Variants in MON2 observed in about 807,000 individuals in gnomAD.
MON2 encodes the protein protein MON2 homolog.
Under a neutral mutation model 208.6 loss-of-function variants are expected in MON2, and 84 were observed. The ratio of observed to expected loss-of-function variants is 0.40; its 90% CI spans 0.34 to 0.48. The LOEUF (loss-of-function observed/expected upper bound fraction) is 0.48. Among genes scored for constraint, MON2 ranks in the 20% least tolerant of loss-of-function variants. The probability of loss-of-function intolerance (pLI) is 0.59; values close to 1 mark genes in which losing one functional copy is unlikely to be tolerated. For synonymous variants in MON2, 660 were observed against 694.0 expected (o/e 0.95, Z 0.77); for missense variants, 1,611 against 2,015.4 (o/e 0.80, Z 3.84).
intron 29 of MON2, 27 bp downstream of exon 29, chr12:62,566,477 C>A: frequency 7.5e-6 from 12 of 1,592,728 alleles, no homozygotes; most frequent in Non-Finnish European, 1.0e-5. Context: ...TCTACACTTT[C>A]ATTAGATGGT....
In MON2 at chr12:62,538,318, A is replaced by G; in HGVS notation, c.2266A>G (p.Ser756Gly). 1.2e-6 allele frequency: 2 copies of G among 1,612,486 alleles called. No homozygotes were observed. Among genetic ancestry groups the G allele is most frequent in the South Asian group, 2.2e-5 (2 of 91,014 alleles). The change falls in exon 18 of 35, where the codon AGC (serine) becomes GGC (glycine). Residue 756 changes from serine (S) to glycine (G), a missense_variant. Physicochemically the swap from Ser to Gly is moderately conservative, Grantham distance 56. Transcript: ENST00000393630. ...ISNILSRLFE[S>G]SQYLDDVSLH... Reference sequence around the variant, plus strand: ...CAATATACTTTCAAGATTGTTTGAAAGCTCACAGTAAGAGTCAGTTTTTTT... The same window carrying G: ...CAATATACTTTCAAGATTGTTTGAAGGCTCACAGTAAGAGTCAGTTTTTTT...
In MON2 at chr12:62,525,167, A is replaced by C; in HGVS notation, c.1193A>C (p.Gln398Pro). 1 of 1,613,116 alleles carries C rather than the reference A, an allele frequency of 6.2e-7. No individual in the cohort carries two copies. Residue 398 changes from glutamine to proline, a missense_variant, in exon 10 of 35, where the codon CAG (glutamine) becomes CCG (proline). Gln to Pro is a moderately conservative substitution (Grantham distance 76). Transcript: ENST00000393630. ...GTAAATGCACTGGGATCTTTTATACAGTCCTTGTTTCTTGTCCCCCCTACT... is the reference window on the plus strand; with the variant it reads ...GTAAATGCACTGGGATCTTTTATACCGTCCTTGTTTCTTGTCCCCCCTACT... ...DIVNALGSFI[Q>P]SLFLVPPTGN...
In MON2 at chr12:62,587,771, A is replaced by C. The variant is rs1350095729; in HGVS notation, c.4908-303A>C. 1.4e-5 allele frequency: 3 copies of C among 219,260 alleles called. No individual in the cohort carries two copies. In the Admixed American group the frequency reaches 1.8e-4, roughly 13 times the overall value. The allele number at this position is 219,260 out of a possible 1,614,324, so 13.6% of individuals were successfully genotyped here. ...CAATAAATAAAAATAAAACGTTTTA[A>C]TTTTAAGTAGTTATGTGAAATATCT... On this transcript the variant is annotated intron_variant, in intron 33 of 34. Coordinates refer to ENST00000393630, the MANE Select transcript of MON2 (RefSeq NM_015026.3).
intron 8 of MON2, among the ~76,000 whole-genome samples, chr12:62,518,889 T>A (rs2071847820): frequency 6.6e-6 from 1 of 152,114 alleles, no homozygotes; most frequent in Non-Finnish European, 1.5e-5. Context: ...TTAGAAAAAA[T>A]TAGGCATTCT....
At chr12:62,507,759 C>CTGATTA (rs746739469) in intron 7 of MON2, among the ~76,000 whole-genome samples, 39 of 152,116 alleles carry the variant, frequency 2.6e-4, no homozygotes, top group Admixed American at 1.0e-3. Context: ...TCTTGTAATA[C>CTGATTA]TGATTATGAT....
At chr12:62,558,353 A>G (rs2074074687) in intron 25 of MON2, among the ~76,000 whole-genome samples, 1 of 152,116 alleles carries the variant, frequency 6.6e-6, no homozygotes, top group African/African-American at 2.4e-5. Context: ...TTAAGAAATG[A>G]TATTTGTTAT....
chr12:62,494,003 T>A lies in MON2; in HGVS notation c.264T>A (p.Ala88=). Residue 88 remains alanine, a synonymous_variant, in exon 3 of 35, where the codon GCT becomes GCA. Transcript: ENST00000393630. The part of the protein sequence containing the change: ...KEPKITQLCL[A]AIQRLMSHEV... ...CGAAGATCACTCAGCTATGTTTGGC[T>A]GCTATTCAGAGACTCATGTCACATG... 4 of 1,613,312 alleles carry A rather than the reference T, an allele frequency of 2.5e-6. No individual in the cohort carries two copies. Among genetic ancestry groups the A allele is most frequent in the Non-Finnish European group, 2.5e-6 (3 of 1,179,454 alleles).
intron 30 of MON2, among the ~76,000 whole-genome samples, chr12:62,577,216 T>C (rs2074825045): frequency 6.6e-6 from 1 of 152,074 alleles, no homozygotes; most frequent in Non-Finnish European, 1.5e-5. Context: ...TCTGATTGGT[T>C]CAGGTTTGGG....
rs563289082 is a variant in MON2, at chr12:62,578,107, G to C, written c.4515-338G>C. ...ATAACCACCAATATAAGTGAATTCA[G>C]GTAACACCACAATGGTAACTTTTGC... On this transcript the variant is annotated intron_variant, in intron 30 of 34. Coordinates refer to ENST00000393630, the MANE Select transcript of MON2 (RefSeq NM_015026.3). Among the ~76,000 whole-genome samples, 56 of 152,222 alleles carry C rather than the reference G, an allele frequency of 3.7e-4. 1 individual carries two copies. In the South Asian group the frequency reaches 0.011, roughly 30 times the overall value.
chr12:62,535,746 G>A, intron 14 of MON2, 37 bp downstream of exon 14: 2 of 1,512,102 alleles, frequency 1.3e-6, no homozygotes, highest in Non-Finnish European at 1.8e-6. Context: ...TCTATGTAGT[G>A]GGATGATATG....
intron 23 of MON2, among the ~76,000 whole-genome samples, chr12:62,551,065 G>T (rs1026302995): frequency 1.3e-5 from 2 of 151,556 alleles, no homozygotes; most frequent in Non-Finnish European, 2.9e-5. Flanking sequence ...AATTATAGGC[G>T]CCCGCCATGA....
chr12:62,474,025 C>G (rs1459404966), intron 1 of MON2, among the ~76,000 whole-genome samples: 1 of 152,104 alleles, frequency 6.6e-6, no homozygotes, highest in Non-Finnish European at 1.5e-5. Flanking sequence ...GCTCTCTTTA[C>G]TGAGTGTAGA....
chr12:62,554,596 G>GCGAT (rs1310749742), intron 24 of MON2, among the ~76,000 whole-genome samples: 8 of 152,178 alleles, frequency 5.3e-5, no homozygotes, highest in African/African-American at 1.9e-4. Flanking sequence ...CCAGGCTCAA[G>GCGAT]CGATCCTCCC....
At chr12:62,550,171 C>G (rs1289797958) in intron 23 of MON2, among the ~76,000 whole-genome samples, 2 of 152,156 alleles carry the variant, frequency 1.3e-5, no homozygotes, top group African/African-American at 4.8e-5. Flanking sequence ...TACTTTGAAG[C>G]CTTGAAGCCA....
rs146625340 is a variant in MON2, at chr12:62,566,031, G to C, written c.4194G>C (p.Pro1398=). The part of the protein sequence containing the change: ...AKYNQIQLFA[P]AEWVALNYVP... ...CACAATAGATCCAACTATTTGCACCGGTGAGTTAAATTTCCTAAAATTGTC... is the reference window on the plus strand; with the variant it reads ...CACAATAGATCCAACTATTTGCACCCGTGAGTTAAATTTCCTAAAATTGTC... Residue 1398 remains proline, a splice_region_variant and synonymous_variant, in exon 28 of 35, where the codon CCG becomes CCC. Transcript: ENST00000393630. 1.2e-5 allele frequency: 19 copies of C among 1,610,284 alleles called. No homozygotes were observed. Among genetic ancestry groups the C allele is most frequent in the Non-Finnish European group, 1.6e-5 (19 of 1,178,054 alleles).
Position 62,508,045 on chromosome 12 carries a change from A to G in MON2, c.790-241A>G, listed in dbSNP as rs2071194500. On this transcript the variant is annotated intron_variant, in intron 7 of 34. Transcript: ENST00000393630. ...CTTGGGCTCCCAAAATGCTAAGATT[A>G]CAGGCATGAGCCACTATGCTGGGCT... 5.3e-5 allele frequency among the ~76,000 whole-genome samples: 8 copies of G among 152,190 alleles called. No individual in the cohort carries two copies. In the South Asian group the frequency reaches 1.7e-3, roughly 31 times the overall value.
Position 62,508,277 on chromosome 12 carries a change from T to G in MON2, c.790-9T>G. The G allele has an allele frequency of 6.2e-7, 1 of 1,600,712 alleles. No homozygotes were observed. The highest frequency in any genetic ancestry group is 8.5e-7 in the Non-Finnish European group (1 of 1,172,838). ...ATTATTTTTTTCTTTCTTTTTTCCTTGCAAATAGCACCAAGAATTTAGTTT... is the reference window on the plus strand; with the variant it reads ...ATTATTTTTTTCTTTCTTTTTTCCTGGCAAATAGCACCAAGAATTTAGTTT... On this transcript the variant is annotated splice_polypyrimidine_tract_variant and intron_variant, in intron 7 of 34. Coordinates refer to ENST00000393630, the MANE Select transcript of MON2 (RefSeq NM_015026.3).
intron 26 of MON2, 132 bp from the exon 27 acceptor site, chr12:62,565,105 G>A (rs1404510139): frequency 1.2e-6 from 1 of 833,734 alleles, no homozygotes; most frequent in Non-Finnish European, 1.9e-6. Context: ...GTCCTTTAGG[G>A]CTCAGAAAAG....
rs551787346 is a variant in MON2 at position 62,594,079 on chromosome 12, G to T, written c.*1330G>T. 1 of 152,072 alleles carries T rather than the reference G, an allele frequency of 6.6e-6. No homozygotes were observed. The highest frequency in any genetic ancestry group is 1.5e-5 in the Non-Finnish European group (1 of 67,960). 9.4% of individuals were successfully genotyped at this position (152,072 alleles called of 1,614,324 possible). A position where few individuals can be genotyped will look rare whatever the true frequency, so the allele number is the denominator to read the frequency against. ...TTTATTTAATGGATTATGGATTACA[G>T]TATTTTTCTTCTGAGTTAAATTTTC... is the stretch of plus-strand genomic sequence containing the variant. On this transcript the variant is annotated 3_prime_UTR_variant, in exon 35 of 35. Transcript: ENST00000393630.
Sources: gnomAD v4.1 joint callset for allele counts (sites outside exome capture counted in the v4.1 genomes callset) on GRCh38, gnomAD v4.1.1 for gene constraint, MANE v1.5 for transcripts, NCBI Gene and HGNC (gene_info 2026-07-23, HGNC 2026-07-21) for gene names.